ST14: variants seen among roughly 807,000 people sequenced by gnomAD.
ST14 encodes ST14 transmembrane serine protease matriptase, also known as suppressor of tumorigenicity 14 protein.
In ST14, 40 loss-of-function variants were observed where a neutral mutation model predicts 96.5. The observed-to-expected ratio is 0.41, with a 90% CI of 0.32 to 0.54. The LOEUF is 0.54. Among genes scored for constraint, ST14 ranks in the 20% least tolerant of loss-of-function variants. ST14 has a pLI of 0.17. For synonymous variants in ST14, 506 were observed against 492.1 expected (o/e 1.03, Z -0.37); for missense variants, 1,066 against 1,188.9 (o/e 0.90, Z 1.52).
intron 1 of ST14, among the ~76,000 whole-genome samples, chr11:130,160,696 A>G (rs1952992616): frequency 1.3e-5 from 2 of 152,206 alleles, no homozygotes; most frequent in Admixed American, 6.5e-5. Context: ...GAAGTACCGA[A>G]ACAGGAAGCT....
chr11:130,183,136 T>C (rs1012581851), intron 1 of ST14, among the ~76,000 whole-genome samples: 1 of 151,806 alleles, frequency 6.6e-6, no homozygotes, highest in Non-Finnish European at 1.5e-5. Context: ...TTTTTTGTAT[T>C]TTTAGTAGAG....
At chr11:130,182,225 A>G (rs767936746) in intron 1 of ST14, among the ~76,000 whole-genome samples, 174 of 152,396 alleles carry the variant, frequency 1.1e-3, no homozygotes, top group Middle Eastern at 3.4e-3. Context: ...ATCCAGTAAG[A>G]AAATGGTTGT....
chr11:130,198,639 C>A lies in ST14; in HGVS notation c.1684+18C>A, dbSNP rs1170614620. The A allele has an allele frequency of 3.7e-6, 6 of 1,602,916 alleles. No homozygotes were observed. Among genetic ancestry groups the A allele is most frequent in the Non-Finnish European group, 5.1e-6 (6 of 1,171,078 alleles). ...CCCCAAGGGTGAGGCCCGCCCCACCCATCTTCCTGTTGGGGGCCTCGCCCC... is the reference window on the plus strand; with the variant it reads ...CCCCAAGGGTGAGGCCCGCCCCACCAATCTTCCTGTTGGGGGCCTCGCCCC... On this transcript the variant is annotated intron_variant, in intron 14 of 18. Transcript: ENST00000278742.
intron 1 of ST14, among the ~76,000 whole-genome samples, chr11:130,176,070 C>T (rs143650604): frequency 6.6e-6 from 1 of 151,672 alleles, no homozygotes; most frequent in East Asian, 2.0e-4. Context: ...CTGATAGTGC[C>T]GTGGTGTCTG....
Position 130,188,808 on chromosome 11 carries a change from C to T in ST14, c.370-61C>T. 6.2e-7 allele frequency: 1 copy of T among 1,604,390 alleles called. No individual in the cohort carries two copies. Among genetic ancestry groups the T allele is most frequent in the Non-Finnish European group, 8.5e-7 (1 of 1,174,618 alleles). ...CGGGCCCTGGAGGGGAGGGAGCAGC[C>T]CGGGCTTGGGGCAGGGTCATCGCCG... On this transcript the variant is annotated intron_variant, in intron 3 of 18. Transcript: ENST00000278742. The surrounding 1 kb of genome is among the most constrained non-coding windows in gnomAD (Gnocchi z 5.4).
chr11:130,209,685 C>T lies in ST14; in HGVS notation c.2430C>T (p.Ser810=). The T allele has an allele frequency of 2.5e-6, 4 of 1,613,364 alleles. No homozygotes were observed. The South Asian group carries it at 3.3e-5, about 13-fold the overall frequency. The change falls in exon 19 of 19, where the codon TCC becomes TCT. Residue 810 remains serine (S), a synonymous_variant. Coordinates refer to ENST00000278742, the MANE Select transcript of ST14 (RefSeq NM_021978.4). The part of the protein sequence containing the change: ...SCQGDSGGPL[S]SVEADGRIFQ... ...AGGGTGATTCCGGGGGACCCCTGTCCAGCGTGGAGGCGGATGGGCGGATCT... is the reference window on the plus strand; with the variant it reads ...AGGGTGATTCCGGGGGACCCCTGTCTAGCGTGGAGGCGGATGGGCGGATCT...
At chr11:130,163,884 T>A (rs1028661757) in intron 1 of ST14, among the ~76,000 whole-genome samples, 49 of 152,214 alleles carry the variant, frequency 3.2e-4, no homozygotes, top group African/African-American at 1.2e-3. Context: ...CGAGCCGACT[T>A]GCTGGCCTGT....
intron 4 of ST14, 31 bp from the exon 5 acceptor site, chr11:130,189,708 G>A: frequency 6.2e-7 from 1 of 1,605,910 alleles, no homozygotes; most frequent in Non-Finnish European, 8.5e-7. Flanking sequence ...GGGGCCCAGA[G>A]CTCCGCCTCA....
intron 16 of ST14, among the ~76,000 whole-genome samples, chr11:130,207,694 C>G (rs1240237234): frequency 6.6e-6 from 1 of 152,272 alleles, no homozygotes; most frequent in Non-Finnish European, 1.5e-5. Flanking sequence ...ATTGCTAAAC[C>G]TATTCCATAG....
chr11:130,170,302 G>A (rs1002875058), intron 1 of ST14, among the ~76,000 whole-genome samples: 1 of 152,106 alleles, frequency 6.6e-6, no homozygotes, highest in African/African-American at 2.4e-5. Context: ...GATTATTCCA[G>A]CCTGCCCTGG....
intron 7 of ST14, among the ~76,000 whole-genome samples, chr11:130,192,780 T>G (rs1376980724): frequency 1.3e-5 from 2 of 152,238 alleles, no homozygotes; most frequent in African/African-American, 4.8e-5. Flanking sequence ...CATTACCTGC[T>G]TTAACAAATG....
intron 1 of ST14, among the ~76,000 whole-genome samples, chr11:130,163,159 A>T (rs1019031279): frequency 4.6e-5 from 7 of 152,054 alleles, no homozygotes; most frequent in African/African-American, 1.7e-4. Context: ...GAGGCTGAGA[A>T]CCCAGGCTGT....
At chr11:130,178,607 G>A in intron 1 of ST14, among the ~76,000 whole-genome samples, 1 of 152,304 alleles carries the variant, frequency 6.6e-6, no homozygotes, top group East Asian at 1.9e-4. Flanking sequence ...GGTCCTGGGG[G>A]ACTTTCCTTC....
chr11:130,184,266 A>T (rs1269633891), intron 1 of ST14, among the ~76,000 whole-genome samples: 2 of 152,246 alleles, frequency 1.3e-5, no homozygotes, highest in Admixed American at 1.3e-4. Context: ...TTATGCAATA[A>T]TACCTCAATG....
Position 130,194,664 on chromosome 11 carries a change from C to G in ST14, c.1040C>G (p.Ala347Gly). The G allele has an allele frequency of 6.2e-7, 1 of 1,614,204 alleles. No individual in the cohort carries two copies. Among genetic ancestry groups the G allele is most frequent in the Middle Eastern group, 1.6e-4 (1 of 6,062 alleles). The change falls in exon 9 of 19, where the codon GCC (alanine) becomes GGC (glycine). Residue 347 changes from alanine (A) to glycine (G), a missense_variant. Ala to Gly is a moderately conservative substitution (Grantham distance 60). Transcript: ENST00000278742. ...GGCTGTGGAGGCCGCTTACGTAAAGCCCAGGGGACATTCAACAGCCCCTAC... is the reference window on the plus strand; with the variant it reads ...GGCTGTGGAGGCCGCTTACGTAAAGGCCAGGGGACATTCAACAGCCCCTAC... The part of the protein sequence containing the change: ...MSSCGGRLRK[A>G]QGTFNSPYYP...
At chr11:130,182,664 T>C (rs1376660210) in intron 1 of ST14, among the ~76,000 whole-genome samples, 2 of 151,334 alleles carry the variant, frequency 1.3e-5, no homozygotes, top group African/African-American at 4.9e-5. Flanking sequence ...TTTTTTTTTT[T>C]TTTGAGACCG....
At chr11:130,185,727 A>G (rs1953231465) in intron 1 of ST14, among the ~76,000 whole-genome samples, 1 of 152,224 alleles carries the variant, frequency 6.6e-6, no homozygotes, top group African/African-American at 2.4e-5. Flanking sequence ...GTCATAAGTA[A>G]AAGATAATGA....
chr11:130,191,348 C>T (rs968336415), intron 7 of ST14, among the ~76,000 whole-genome samples: 1 of 151,378 alleles, frequency 6.6e-6, no homozygotes, highest in Non-Finnish European at 1.5e-5. Context: ...CATGAGGAAA[C>T]ACCAGGTTGG....
intron 1 of ST14, among the ~76,000 whole-genome samples, chr11:130,172,121 G>C (rs777505422): frequency 7.9e-5 from 12 of 151,386 alleles, no homozygotes; most frequent in Non-Finnish European, 1.5e-4. Context: ...TCTTTTGGTT[G>C]CTTTTTTTTT....
Sources: allele counts gnomAD v4.1 joint callset (sites outside exome capture counted in the v4.1 genomes callset), GRCh38; gene constraint gnomAD v4.1.1; non-coding constraint Gnocchi (gnomAD v3.1); transcripts MANE v1.5; gene names NCBI Gene and HGNC (gene_info 2026-07-23, HGNC 2026-07-21).